The following ROS1 variants were observed in gnomAD, a reference collection of about 807,000 sequenced individuals.
ROS1 encodes ROS proto-oncogene 1, receptor tyrosine kinase, also known as proto-oncogene tyrosine-protein kinase ROS.
ROS1 carries 263 observed loss-of-function variants against 273.5 expected under a neutral mutation model. That is an observed-to-expected ratio of 0.96 (90% CI 0.87 to 1.06). ROS1 has a LOEUF of 1.06. ROS1 is among the 50% of genes least tolerant of loss of function. The pLI is 0.00. For synonymous variants in ROS1, 1,008 were observed against 954.1 expected, an observed-to-expected ratio of 1.06 and a Z score of -1.04; for missense variants, 2,833 against 2,751.1, an observed-to-expected ratio of 1.03 and a Z score of -0.67.
chr6:117,353,240 A>T (rs1779028259), intron 26 of ROS1, 74 bp from the exon 27 acceptor site: 10 of 1,082,212 alleles, frequency 9.2e-6, no homozygotes, highest in South Asian at 1.9e-5. Context: ...AATGTATGAA[A>T]TTTTTTCTAT....
chr6:117,300,105 T>A (rs1399024619), intron 43 of ROS1, among the ~76,000 whole-genome samples: 4 of 140,692 alleles, frequency 2.8e-5, no homozygotes, highest in African/African-American at 1.1e-4. Context: ...TTTTTTTTTT[T>A]TTTTTTTTGT....
rs1777545008 is a variant in ROS1 at position 117,337,209 on chromosome 6, T to C, written c.5193A>G (p.Glu1731=). Residue 1731 remains glutamate, a synonymous_variant, in exon 32 of 44, where the codon GAA becomes GAG. Transcript: ENST00000368507. ...VRVVVVYKTG[E]NSTSLPESFK... is the part of the protein sequence containing the mutation. The stretch of plus-strand genomic sequence containing the variant: ...AGCTTTCTGGAAGTGAGGTGCTATT[T>C]TCTCCCGTCTTATAAACCACCACTA... The C allele has an allele frequency of 6.2e-7, 1 of 1,612,642 alleles. No homozygotes were observed. The highest frequency in any genetic ancestry group is 1.3e-5 in the African/African-American group (1 of 74,982).
chr6:117,321,081 T>C (rs1320677828), intron 36 of ROS1, 178 bp downstream of exon 36: 1 of 585,772 alleles, frequency 1.7e-6, no homozygotes, highest in African/African-American at 1.9e-5. Flanking sequence ...TAAAACCACA[T>C]AATTTTCCAT....
At chr6:117,297,767 G>C (rs560188113) in intron 43 of ROS1, among the ~76,000 whole-genome samples, 41 of 152,278 alleles carry the variant, frequency 2.7e-4, no homozygotes, top group African/African-American at 9.1e-4. Flanking sequence ...ACATGCTGTT[G>C]GTGGGAATGT....
Position 117,416,131 on chromosome 6 carries a change from T to C in ROS1, c.228+127A>G, listed in dbSNP as rs182933605. ...CCAGGCTATTGGTTTTTTAGTTTTG[T>C]TTTGTTTTGTCTTAGGGTCAAGCAA... On this transcript the variant is annotated intron_variant, in intron 3 of 43. Transcript: ENST00000368507. 1.1e-5 allele frequency: 7 copies of C among 649,012 alleles called. No individual in the cohort carries two copies. The East Asian group carries it at 1.9e-4, about 18-fold the overall frequency. The allele number at this position is 649,012 out of a possible 1,614,324, so 40.2% of individuals were successfully genotyped here.
chr6:117,393,258 C>G lies in ROS1; in HGVS notation c.1255G>C (p.Ala419Pro). 6.2e-7 allele frequency: 1 copy of G among 1,611,970 alleles called. No individual in the cohort carries two copies. The highest frequency in any genetic ancestry group is 8.5e-7 in the Non-Finnish European group (1 of 1,178,274). Reference protein sequence around the residue: ...IEEITPPSISAPQKIVADSYN... With the variant: ...IEEITPPSISPPQKIVADSYN... ...GAATCAGCCACAATTTTTTGAGGTG[C>G]ACTAATAGAGGGTGGAGTAATTTCC... The change falls in exon 12 of 44, where the codon GCA becomes CCA. Residue 419 changes from alanine to proline, a missense_variant. Coordinates refer to ENST00000368507, the MANE Select transcript of ROS1 (RefSeq NM_001378902.1).
intron 18 of ROS1, among the ~76,000 whole-genome samples, chr6:117,369,751 C>T (rs1290218549): frequency 6.6e-6 from 1 of 152,106 alleles, no homozygotes; most frequent in East Asian, 1.9e-4. Flanking sequence ...TCAGTTTTCT[C>T]TGATTCACAG....
At chr6:117,300,513 T>C (rs1348536685) in intron 43 of ROS1, among the ~76,000 whole-genome samples, 1 of 152,080 alleles carries the variant, frequency 6.6e-6, no homozygotes, top group Non-Finnish European at 1.5e-5. Flanking sequence ...GTTAGAATAG[T>C]TGCCTGACAG....
At chr6:117,290,397 A>G (rs1337583674) in intron 43 of ROS1, among the ~76,000 whole-genome samples, 4 of 152,202 alleles carry the variant, frequency 2.6e-5, no homozygotes, top group African/African-American at 9.6e-5. Flanking sequence ...CTTACAAGAG[A>G]CTGCGATAGT....
chr6:117,315,158 A>C (rs1229346910), intron 39 of ROS1, among the ~76,000 whole-genome samples: 1 of 152,168 alleles, frequency 6.6e-6, no homozygotes, highest in Non-Finnish European at 1.5e-5. Flanking sequence ...ATGTTAACAA[A>C]AATTTTTAAT....
chr6:117,366,792 G>C (rs1582754659), intron 18 of ROS1, among the ~76,000 whole-genome samples: 1 of 152,048 alleles, frequency 6.6e-6, no homozygotes, highest in East Asian at 1.9e-4. Context: ...GGGATCACAG[G>C]CATGAGCACT....
At chr6:117,394,891 A>G (rs999033061) in intron 9 of ROS1, among the ~76,000 whole-genome samples, 153 bp from the exon 10 acceptor site, 4 of 152,244 alleles carry the variant, frequency 2.6e-5, no homozygotes, top group Non-Finnish European at 4.4e-5. Flanking sequence ...AATTGCATCT[A>G]TGGTATAACT....
intron 4 of ROS1, among the ~76,000 whole-genome samples, chr6:117,414,019 A>AGGGAGAAG (rs1336363150): frequency 7.3e-5 from 9 of 123,614 alleles, no homozygotes; most frequent in Non-Finnish European, 1.5e-4. Flanking sequence ...AGAGGGAGAA[A>AGGGAGAAG]GAGAGGAAGA....
chr6:117,397,152 A>G (rs1169013887), intron 7 of ROS1, 36 bp from the exon 8 acceptor site: 1 of 1,321,358 alleles, frequency 7.6e-7, no homozygotes, highest in South Asian at 1.3e-5. Flanking sequence ...GAGCAGAAAA[A>G]TGTGCAAGCA....
At position 117,341,196 on chromosome 6, in the gene ROS1, T is replaced by C. The variant is rs2128621565; in HGVS notation, c.5000A>G (p.Gln1667Arg). The C allele has an allele frequency of 6.2e-7, 1 of 1,613,520 alleles. No homozygotes were observed. The highest frequency in any genetic ancestry group is 8.5e-7 in the Non-Finnish European group (1 of 1,179,614). ...YSLVPENTSL[Q>R]FNWKAPLNVN... is the part of the protein sequence containing the mutation. Reference sequence around the variant, plus strand: ...ATTCAATGGAGCCTTCCAATTAAATTGCAAACTAGTGTTCTCTGGAACCAA... The same window carrying C: ...ATTCAATGGAGCCTTCCAATTAAATCGCAAACTAGTGTTCTCTGGAACCAA... The change falls in exon 31 of 44, where the codon CAA (glutamine) becomes CGA (arginine). Residue 1667 changes from glutamine to arginine, a missense_variant. Physicochemically the swap from Gln to Arg is conservative, Grantham distance 43 (BLOSUM62 1). Transcript: ENST00000368507.
Position 117,416,307 on chromosome 6 carries a change from C to T in ROS1, c.179G>A (p.Gly60Glu), listed in dbSNP as rs1251092701. ...PHNLSEPCIQ[G>E]CHFWNSVDQK... is the part of the protein sequence containing the mutation. Reference sequence around the variant, plus strand: ...ATCTACAGAGTTCCAAAAGTGACATCCTTGGATACACTGCAAGAGACAATA... The same window carrying T: ...ATCTACAGAGTTCCAAAAGTGACATTCTTGGATACACTGCAAGAGACAATA... The change falls in exon 3 of 44, where the codon GGA (glycine) becomes GAA (glutamate). Residue 60 changes from glycine to glutamate, a missense_variant. Gly to Glu is a moderately conservative substitution (Grantham distance 98). Coordinates refer to ENST00000368507, the MANE Select transcript of ROS1 (RefSeq NM_001378902.1). 2 of 1,601,800 alleles carry T rather than the reference C, an allele frequency of 1.2e-6. No individual in the cohort carries two copies. Among genetic ancestry groups the T allele is most frequent in the African/African-American group, 2.7e-5 (2 of 74,760 alleles).
chr6:117,389,606 A>G lies in ROS1; in HGVS notation c.1530T>C (p.Ser510=). Residue 510 remains serine (S), a synonymous_variant, in exon 13 of 44, where the codon AGT becomes AGC. Coordinates refer to ENST00000368507, the MANE Select transcript of ROS1 (RefSeq NM_001378902.1). ...LPRIPFADVK[S]FACENNDFLV... The stretch of plus-strand genomic sequence containing the variant: ...GAAAGTCATTGTTTTCACAAGCAAA[A>G]CTTTTCACATCAGCAAAGGGGATGC... 1 of 1,614,184 alleles carries G rather than the reference A, an allele frequency of 6.2e-7. No individual in the cohort carries two copies. Among genetic ancestry groups the G allele is most frequent in the Non-Finnish European group, 8.5e-7 (1 of 1,180,032 alleles).
At chr6:117,357,642 T>C (rs1239635499) in intron 25 of ROS1, among the ~76,000 whole-genome samples, 162 bp downstream of exon 25, 1 of 152,250 alleles carries the variant, frequency 6.6e-6, no homozygotes, top group Non-Finnish European at 1.5e-5. Flanking sequence ...TAGTTGTGCC[T>C]CCTAATTTAT....
chr6:117,364,568 A>C (rs1007602420), intron 21 of ROS1, among the ~76,000 whole-genome samples: 4 of 152,246 alleles, frequency 2.6e-5, no homozygotes, highest in Non-Finnish European at 5.9e-5. Flanking sequence ...TAGTTAATAA[A>C]GGAGTGATAC....
Sources: gnomAD v4.1 joint callset for allele counts (sites outside exome capture counted in the v4.1 genomes callset) on GRCh38, gnomAD v4.1.1 for gene constraint, MANE v1.5 for transcripts, NCBI Gene and HGNC (gene_info 2026-07-23, HGNC 2026-07-21) for gene names.